The following ASTN2 variants were observed in gnomAD, a reference collection of about 807,000 sequenced individuals.
The protein encoded by ASTN2 is astrotactin-2.
In ASTN2, 54 loss-of-function variants were observed where a neutral mutation model predicts 139.8. The observed-to-expected ratio is 0.39, with a 90% confidence interval of 0.31 to 0.48. The LOEUF (loss-of-function observed/expected upper bound fraction) is 0.48, where lower values mean the gene tolerates loss of function less well. ASTN2 is among the 20% of genes least tolerant of loss of function. ASTN2 has a pLI of 0.95. For missense variants in ASTN2, 1,565 were observed against 1,725.1 expected (o/e 0.91, Z 1.64); for synonymous variants, 756 against 719.5 (o/e 1.05, Z -0.81).
chr9:116,591,862 T>C (rs918744060), intron 19 of ASTN2, among the ~76,000 whole-genome samples: 3 of 152,230 alleles, frequency 2.0e-5, no homozygotes, highest in African/African-American at 7.2e-5. Context: ...TATGTACTTA[T>C]GATACGTGCA....
intron 2 of ASTN2, among the ~76,000 whole-genome samples, chr9:117,222,466 C>T (rs1312921576): frequency 2.3e-4 from 35 of 152,142 alleles, no homozygotes; most frequent in Admixed American, 2.3e-3. Context: ...AGCCTCCTTT[C>T]CCACTAGCTC....
intron 1 of ASTN2, among the ~76,000 whole-genome samples, chr9:117,387,559 A>G (rs1223432194): frequency 6.6e-6 from 1 of 152,188 alleles, no homozygotes; most frequent in Non-Finnish European, 1.5e-5. Context: ...AGCCTGTGCA[A>G]AGGCCAAGAG....
chr9:116,995,684 A>G (rs1836993354), intron 7 of ASTN2, among the ~76,000 whole-genome samples: 1 of 152,194 alleles, frequency 6.6e-6, no homozygotes, highest in Non-Finnish European at 1.5e-5. Flanking sequence ...CCAGACTTCT[A>G]GGTTTCAAAT....
intron 1 of ASTN2, among the ~76,000 whole-genome samples, chr9:117,385,795 A>G (rs1830379822): frequency 6.6e-6 from 1 of 152,092 alleles, no homozygotes; most frequent in Non-Finnish European, 1.5e-5. Context: ...ACAAAAAGGA[A>G]AAAGGAGAGC....
rs1554714072 is a variant in ASTN2 at position 116,565,255 on chromosome 9, C to CACAT, written c.3355+53065_3355+53068dup. Reference sequence around the variant, plus strand: ...ACACACACACACACACACACACACACACATATGCCCCATACTGAGGAGATT... The same window carrying CACAT: ...ACACACACACACACACACACACACACACATACATATGCCCCATACTGAGGAGATT... On this transcript the variant is annotated intron_variant, in intron 19 of 22. Transcript: ENST00000313400. Among the ~76,000 whole-genome samples, 1,045 of 111,020 alleles carry CACAT rather than the reference C, an allele frequency of 9.4e-3. 13 individuals are homozygous for CACAT. The highest frequency in any genetic ancestry group is 0.037 in the African/African-American group (936 of 25,300). 72.8% of individuals were successfully genotyped at this position (111,020 alleles called of 152,430 possible). A position where few individuals can be genotyped will look rare whatever the true frequency, so the allele number is the denominator to read the frequency against.
At chr9:116,475,058 G>C (rs1455638088) in intron 20 of ASTN2, among the ~76,000 whole-genome samples, 1 of 152,200 alleles carries the variant, frequency 6.6e-6, no homozygotes, top group African/African-American at 2.4e-5. Context: ...TATACACTGA[G>C]AGAAGTGGCC....
chr9:117,045,050 C>T (rs1838691338), intron 5 of ASTN2, among the ~76,000 whole-genome samples: 1 of 152,086 alleles, frequency 6.6e-6, no homozygotes, highest in Non-Finnish European at 1.5e-5. Context: ...GGAATAAGGT[C>T]CCAGGATACC....
At chr9:116,615,806 A>G (rs930439650) in intron 19 of ASTN2, among the ~76,000 whole-genome samples, 7 of 152,038 alleles carry the variant, frequency 4.6e-5, no homozygotes, top group African/African-American at 7.2e-5. Flanking sequence ...GCACACCAAC[A>G]TGGCACATGT....
At chr9:116,824,267 A>C (rs1477968148) in intron 11 of ASTN2, among the ~76,000 whole-genome samples, 1 of 152,242 alleles carries the variant, frequency 6.6e-6, no homozygotes, top group African/African-American at 2.4e-5. Context: ...AGACTCATGT[A>C]GTCCCCTCCT....
At chr9:116,800,882 C>T (rs1830827794) in intron 13 of ASTN2, among the ~76,000 whole-genome samples, 1 of 152,162 alleles carries the variant, frequency 6.6e-6, no homozygotes, top group Non-Finnish European at 1.5e-5. Flanking sequence ...CTTTGTAAAG[C>T]AGAAATCTGG....
chr9:116,767,701 T>C (rs957235701), intron 13 of ASTN2, among the ~76,000 whole-genome samples: 1 of 152,190 alleles, frequency 6.6e-6, no homozygotes, highest in African/African-American at 2.4e-5. Flanking sequence ...AACCTCTTGG[T>C]GTACTATGCT....
chr9:117,203,267 C>T (rs1831790926), intron 3 of ASTN2, among the ~76,000 whole-genome samples: 1 of 151,966 alleles, frequency 6.6e-6, no homozygotes, highest in African/African-American at 2.4e-5. Flanking sequence ...AGCTTCTTTG[C>T]ATTGTGTTAG....
chr9:117,005,071 C>T (rs1424839796), intron 7 of ASTN2, among the ~76,000 whole-genome samples: 1 of 137,080 alleles, frequency 7.3e-6, no homozygotes, highest in African/African-American at 2.8e-5. Flanking sequence ...AGTTGTGGAC[C>T]TGTAGTCGAT....
At chr9:116,505,051 T>G (rs978498326) in intron 19 of ASTN2, among the ~76,000 whole-genome samples, 30 of 152,010 alleles carry the variant, frequency 2.0e-4, no homozygotes, top group Non-Finnish European at 3.1e-4. Context: ...TTGACTATTA[T>G]GAGGGAAGAG....
chr9:116,701,877 TG>T (rs201629126), intron 16 of ASTN2, among the ~76,000 whole-genome samples: 2 of 121,746 alleles, frequency 1.6e-5, no homozygotes, highest in African/African-American at 5.9e-5. Flanking sequence ...AGCAGTTTTT[TG>T]GGTTTTTTTT....
At chr9:116,642,720 C>T (rs188869308) in intron 17 of ASTN2, among the ~76,000 whole-genome samples, 1 of 152,292 alleles carries the variant, frequency 6.6e-6, no homozygotes, top group Admixed American at 6.5e-5. Flanking sequence ...AAATTAACAA[C>T]CCTTGCCATA....
intron 19 of ASTN2, chr9:116,547,267 T>G (rs1852138322): frequency 6.6e-6 from 1 of 152,216 alleles, no homozygotes; most frequent in Non-Finnish European, 1.5e-5. Flanking sequence ...CCCTCTGTTG[T>G]TTACTAACCT....
chr9:117,413,302 C>G (rs1831221454), intron 1 of ASTN2, among the ~76,000 whole-genome samples: 1 of 152,264 alleles, frequency 6.6e-6, no homozygotes, highest in Non-Finnish European at 1.5e-5. Context: ...GTTCAGGGAT[C>G]GTAAAGGTTC....
At chr9:117,224,241 T>C (rs1186388427) in intron 2 of ASTN2, among the ~76,000 whole-genome samples, 2 of 152,368 alleles carry the variant, frequency 1.3e-5, no homozygotes, top group South Asian at 2.1e-4. Context: ...GATAAGTCAC[T>C]TGAGTTTCTT....
Sources: allele counts gnomAD v4.1 joint callset (sites outside exome capture counted in the v4.1 genomes callset), GRCh38; gene constraint gnomAD v4.1.1; transcripts MANE v1.5; gene names NCBI Gene and HGNC (gene_info 2026-07-23, HGNC 2026-07-21).